Variants in TENM1 observed in about 807,000 individuals in gnomAD.
The protein encoded by TENM1 is teneurin-1.
In TENM1, 35 loss-of-function variants were observed where a neutral mutation model predicts 174.8. The ratio of observed to expected loss-of-function variants is 0.20; its 90% CI spans 0.15 to 0.27. TENM1 has a LOEUF of 0.27. Among genes scored for constraint, TENM1 ranks in the 10% least tolerant of loss-of-function variants. TENM1 has a pLI of 1.00. For synonymous variants in TENM1, 781 were observed against 798.7 expected (o/e 0.98, Z 0.37); for missense variants, 1,633 against 2,130.1 (o/e 0.77, Z 4.59).
intron 3 of TENM1, among the ~76,000 whole-genome samples, chrX:124,797,692 T>A (rs1219032835): frequency 9.1e-6 from 1 of 110,411 alleles, no homozygotes; most frequent in Non-Finnish European, 1.9e-5. Context: ...TTTTTTTTTT[T>A]AATTTTACTT....
At chrX:124,401,591 A>C (rs1367212366) in intron 27 of TENM1, among the ~76,000 whole-genome samples, 2 of 112,158 alleles carry the variant, frequency 1.8e-5, no homozygotes, top group Admixed American at 9.4e-5. Context: ...GAAGAGAGAA[A>C]ATTGGCATCA....
At chrX:124,905,788 C>A (rs1432163671) in intron 1 of TENM1, among the ~76,000 whole-genome samples, 2 of 111,296 alleles carry the variant, frequency 1.8e-5, no homozygotes, top group Non-Finnish European at 3.8e-5. Flanking sequence ...TTCAGAGGGT[C>A]CCCCCTGCAT....
chrX:124,792,435 A>G (rs1346446783), intron 3 of TENM1, among the ~76,000 whole-genome samples: 1 of 112,206 alleles, frequency 8.9e-6, no homozygotes, highest in African/African-American at 3.2e-5. Flanking sequence ...GATTATAAGA[A>G]GAGAGAGAAT....
At chrX:125,158,168 G>A in the TENM1 span, among the ~76,000 whole-genome samples, 2 of 109,977 alleles carry the variant, frequency 1.8e-5, no homozygotes, top group African/African-American at 6.6e-5. Context: ...ACTTTGGGAG[G>A]CCGAGGTGGG....
chrX:124,917,324 C>CA (rs1569481041), intron 1 of TENM1, among the ~76,000 whole-genome samples: 2 of 110,990 alleles, frequency 1.8e-5, no homozygotes, highest in African/African-American at 6.6e-5. Context: ...GCCAAAAAAA[C>CA]TTTTTTTTTC....
chrX:125,154,221 A>G, the TENM1 span, among the ~76,000 whole-genome samples: 1 of 112,338 alleles, frequency 8.9e-6, no homozygotes, highest in African/African-American at 3.2e-5. Flanking sequence ...ACTAAAAAGA[A>G]AGGGCACTGG....
chrX:124,661,167 G>T (rs2148413713), intron 6 of TENM1, among the ~76,000 whole-genome samples: 1 of 111,804 alleles, frequency 8.9e-6, no homozygotes, highest in East Asian at 2.8e-4. Context: ...AGGAGGTGGG[G>T]ATATGGAGTG....
chrX:124,431,183 G>A (rs1255050712), intron 23 of TENM1, among the ~76,000 whole-genome samples: 1 of 112,281 alleles, frequency 8.9e-6, no homozygotes, highest in East Asian at 2.8e-4. Context: ...TATCATGACT[G>A]TTACTATATT....
At chrX:124,986,198 T>C in the TENM1 span, among the ~76,000 whole-genome samples, 1 of 111,905 alleles carries the variant, frequency 8.9e-6, no homozygotes, top group Non-Finnish European at 1.9e-5. Flanking sequence ...AATATTAAAA[T>C]ATGTAATGGC....
intron 11 of TENM1, among the ~76,000 whole-genome samples, chrX:124,615,985 T>A (rs2148317375): frequency 8.9e-6 from 1 of 112,802 alleles, no homozygotes; most frequent in East Asian, 2.8e-4. Context: ...AAAAACTGTT[T>A]CAATGGAAAT....
rs755726757 is a variant in TENM1, at chrX:124,861,534, AC to A, written c.535+32761del. On this transcript the variant is annotated intron_variant, in intron 3 of 31. Coordinates refer to ENST00000422452, the Ensembl canonical transcript of TENM1. ...TTCTAGTCTTACTTTAGGTGTGACT[AC>A]CCTATAGATCCACATTTATTAAAAA... is the stretch of plus-strand genomic sequence containing the variant. Among the ~76,000 whole-genome samples the A allele has an allele frequency of 1.4e-3, 162 of 112,088 alleles. 1 individual carries two copies. Among genetic ancestry groups the A allele is most frequent in the African/African-American group, 4.8e-3 (148 of 30,896 alleles).
intron 1 of TENM1, among the ~76,000 whole-genome samples, chrX:124,939,084 T>C (rs1051039299): frequency 1.8e-5 from 2 of 111,741 alleles, no homozygotes; most frequent in Non-Finnish European, 3.8e-5. Flanking sequence ...AACAAGGTAT[T>C]TATGGACTTA....
intron 11 of TENM1, among the ~76,000 whole-genome samples, chrX:124,574,407 A>T (rs2049120454): frequency 8.9e-6 from 1 of 111,732 alleles, no homozygotes; most frequent in Non-Finnish European, 1.9e-5. Context: ...AAATCTGGTT[A>T]TCAGTTTCTA....
intron 3 of TENM1, among the ~76,000 whole-genome samples, chrX:124,855,365 C>T (rs914158196): frequency 8.1e-5 from 9 of 111,008 alleles, no homozygotes; most frequent in Non-Finnish European, 1.7e-4. Flanking sequence ...TACACAAAAC[C>T]AATTTTCTGA....
intron 3 of TENM1, among the ~76,000 whole-genome samples, chrX:124,850,444 CT>C (rs34696278): frequency 9.0e-6 from 1 of 111,120 alleles, no homozygotes; most frequent in African/African-American, 3.3e-5. Flanking sequence ...AGATTGGTGA[CT>C]TTTTAAGTTC....
the TENM1 span, among the ~76,000 whole-genome samples, chrX:125,197,056 C>T: frequency 9.0e-6 from 1 of 111,404 alleles, no homozygotes; most frequent in East Asian, 2.8e-4. Context: ...CACTTAGAAT[C>T]CACCAATTAT....
the TENM1 span, among the ~76,000 whole-genome samples, chrX:124,982,668 G>C: frequency 8.9e-6 from 1 of 112,117 alleles, no homozygotes; most frequent in South Asian, 3.7e-4. Context: ...AGAGACATGG[G>C]CCTTTTATTT....
chrX:124,417,203 CTT>C (rs1030259055), intron 25 of TENM1, among the ~76,000 whole-genome samples: 1 of 110,850 alleles, frequency 9.0e-6, no homozygotes, highest in Non-Finnish European at 1.9e-5. Flanking sequence ...ACCCTCAACT[CTT>C]TTCTTCTCTT....
intron 3 of TENM1, among the ~76,000 whole-genome samples, chrX:124,737,723 G>C (rs987840838): frequency 8.9e-6 from 1 of 112,516 alleles, no homozygotes; most frequent in Non-Finnish European, 1.9e-5. Flanking sequence ...CAGCTCACGA[G>C]TGTGTCGCTT....
Sources: allele counts gnomAD v4.1 joint callset (sites outside exome capture counted in the v4.1 genomes callset), GRCh38; gene constraint gnomAD v4.1.1; transcripts MANE v1.5; gene names NCBI Gene and HGNC (gene_info 2026-07-23, HGNC 2026-07-21).